The following CEP55 variants were observed in gnomAD, a reference collection of about 807,000 sequenced individuals.
The protein encoded by CEP55 is centrosomal protein 55, also known as centrosomal protein of 55 kDa.
In CEP55, 57 loss-of-function variants were observed where a neutral mutation model predicts 63.2. The observed-to-expected ratio is 0.90, with a 90% confidence interval of 0.73 to 1.13. The LOEUF is 1.13. Ranked by LOEUF, CEP55 falls within the 50% of genes most tolerant of loss-of-function variation. The pLI is 0.00. For synonymous variants in CEP55, 178 were observed against 191.6 expected (o/e 0.93, Z 0.59); for missense variants, 456 against 518.9 (o/e 0.88, Z 1.18).
rs4919224 is a variant in CEP55, at chr10:93,516,916, G to A, written c.680-19G>A. The A allele has an allele frequency of 0.75, 1,136,318 of 1,505,652 alleles. 430,968 individuals carry two copies. The highest frequency in any genetic ancestry group is 0.77 in the Non-Finnish European group (856,110 of 1,111,162). The allele number at this position is 1,505,652 out of a possible 1,614,324, so 93.3% of individuals were successfully genotyped here. A position where few individuals can be genotyped will look rare whatever the true frequency, so the allele number is the denominator to read the frequency against. On this transcript the variant is annotated intron_variant, in intron 5 of 8. Coordinates refer to ENST00000371485, the MANE Select transcript of CEP55 (RefSeq NM_018131.5). The stretch of plus-strand genomic sequence containing the variant: ...TTTATTTTATAAAGTGAGTTGTGCC[G>A]TAATGTTGTTTGTCATAGGTTATCT...
Position 93,529,048 on chromosome 10 carries a change from G to A in CEP55, c.*895G>A, listed in dbSNP as rs1226107083. 1.3e-5 allele frequency: 2 copies of A among 151,838 alleles called. No individual in the cohort carries two copies. Among genetic ancestry groups the A allele is most frequent in the Non-Finnish European group, 1.5e-5 (1 of 68,000 alleles). The allele number at this position is 151,838 out of a possible 1,614,324, so 9.4% of individuals were successfully genotyped here. On this transcript the variant is annotated 3_prime_UTR_variant, in exon 9 of 9. Transcript: ENST00000371485. ...CAGGTTTTCTAACATGCTTACCACT[G>A]GGCTACTGTAAATGAGAAAAGAATA... is the stretch of plus-strand genomic sequence containing the variant.
chr10:93,513,595 TAGA>T (rs2057772994), intron 4 of CEP55, among the ~76,000 whole-genome samples: 1 of 152,226 alleles, frequency 6.6e-6, no homozygotes, highest in Non-Finnish European at 1.5e-5. Context: ...TGAAATTAAA[TAGA>T]AGAATTTTAT....
chr10:93,514,797 C>T (rs530382430), intron 4 of CEP55, among the ~76,000 whole-genome samples: 27 of 152,230 alleles, frequency 1.8e-4, no homozygotes, highest in African/African-American at 6.5e-4. Context: ...TTGAGAGACG[C>T]AGTTTCACTG....
intron 6 of CEP55, among the ~76,000 whole-genome samples, 178 bp downstream of exon 6, chr10:93,517,426 A>G (rs117402997): frequency 1.2e-3 from 184 of 152,364 alleles, no homozygotes; most frequent in Non-Finnish European, 2.3e-3. Flanking sequence ...AGAAAATGCA[A>G]CAGGGTGACA....
At chr10:93,502,548 T>G (rs1262548381) in intron 2 of CEP55, among the ~76,000 whole-genome samples, 2 of 152,246 alleles carry the variant, frequency 1.3e-5, no homozygotes, top group East Asian at 3.8e-4. Context: ...TAAAAAACAT[T>G]ACTTATGTAT....
intron 5 of CEP55, 91 bp downstream of exon 5, chr10:93,515,646 G>T: frequency 7.7e-7 from 1 of 1,302,854 alleles, no homozygotes. Flanking sequence ...ATAGATATGT[G>T]TTAGAAAGTA....
chr10:93,514,192 C>G (rs900888356), intron 4 of CEP55, among the ~76,000 whole-genome samples: 1 of 152,124 alleles, frequency 6.6e-6, no homozygotes, highest in African/African-American at 2.4e-5. Context: ...CTCGGCCTCC[C>G]AAAGTGCTGG....
At chr10:93,521,355 A>C (rs2057860385) in intron 8 of CEP55, among the ~76,000 whole-genome samples, 1 of 152,136 alleles carries the variant, frequency 6.6e-6, no homozygotes, top group Non-Finnish European at 1.5e-5. Context: ...TTGCTACCAC[A>C]GCAGTCTGAG....
chr10:93,506,902 A>G, intron 3 of CEP55, 86 bp from the exon 4 acceptor site: 1 of 884,350 alleles, frequency 1.1e-6, no homozygotes, highest in Non-Finnish European at 1.9e-6. Flanking sequence ...TGCCCCCGTG[A>G]GTTATACTGT....
At chr10:93,499,902 C>T in intron 1 of CEP55, 138 bp from the exon 2 acceptor site, 1 of 556,964 alleles carries the variant, frequency 1.8e-6, no homozygotes, top group South Asian at 2.9e-5. Context: ...CCCCAGAAGC[C>T]TCCATCCATC....
chr10:93,513,363 C>T (rs1159460164), intron 4 of CEP55, among the ~76,000 whole-genome samples: 3 of 152,184 alleles, frequency 2.0e-5, no homozygotes, highest in Admixed American at 6.5e-5. Context: ...CCTAACAAAG[C>T]TTAGAGAAAC....
At chr10:93,517,972 A>T (rs79355998) in intron 6 of CEP55, among the ~76,000 whole-genome samples, 12,773 of 152,224 alleles carry the variant, frequency 0.084, 591 homozygotes, top group Non-Finnish European at 0.1. Context: ...TGCTTGCCAT[A>T]TAGGGCTTTG....
chr10:93,501,499 G>A (rs1040331105), intron 2 of CEP55, among the ~76,000 whole-genome samples: 1 of 152,004 alleles, frequency 6.6e-6, no homozygotes, highest in Non-Finnish European at 1.5e-5. Context: ...GACCAGCCTG[G>A]CCAATATGGC....
intron 8 of CEP55, among the ~76,000 whole-genome samples, chr10:93,521,408 G>A (rs538220460): frequency 7.3e-4 from 111 of 152,270 alleles, no homozygotes; most frequent in African/African-American, 2.0e-3. Flanking sequence ...AGGGGTGCCC[G>A]CCATTGCTGA....
Position 93,528,048 on chromosome 10 carries a change from T to G in CEP55, c.1290T>G (p.Thr430=). ...TTGCCGCCTCACCAAAAAGTCCCAC[T>G]GCTGCACTCAATGAAAGCCTGGTGG... ...EKVAASPKSP[T]AALNESLVEC... is the part of the protein sequence containing the mutation. The change falls in exon 9 of 9, where the codon ACT becomes ACG. Residue 430 remains threonine (T), a synonymous_variant. Transcript: ENST00000371485. 2 of 1,614,038 alleles carry G rather than the reference T, an allele frequency of 1.2e-6. No homozygotes were observed. Among genetic ancestry groups the G allele is most frequent in the Non-Finnish European group, 8.5e-7 (1 of 1,179,948 alleles).
chr10:93,515,792 GT>G (rs1665365166), intron 5 of CEP55, among the ~76,000 whole-genome samples: 2 of 152,182 alleles, frequency 1.3e-5, no homozygotes, highest in Admixed American at 6.5e-5. Flanking sequence ...ATCACATTCA[GT>G]TCTCTCTACC....
rs1051808941 is a variant in CEP55, at chr10:93,523,610, C to A, written c.1191+3803C>A. ...GGACCTAATAGACATCTACAGAACT[C>A]TCCACCTCAAATCAACAGAATATAC... On this transcript the variant is annotated intron_variant, in intron 8 of 8. Coordinates refer to ENST00000371485, the MANE Select transcript of CEP55 (RefSeq NM_018131.5). Among the ~76,000 whole-genome samples, 3 of 152,216 alleles carry A rather than the reference C, an allele frequency of 2.0e-5. No homozygotes were observed. In the South Asian group the frequency reaches 6.2e-4, roughly 32 times the overall value.
chr10:93,523,676 C>G (rs2057888159), intron 8 of CEP55, among the ~76,000 whole-genome samples: 1 of 152,134 alleles, frequency 6.6e-6, no homozygotes, highest in African/African-American at 2.4e-5. Flanking sequence ...CAAAATTGAC[C>G]ACATAGTTGG....
rs202234576 is a variant in CEP55, at chr10:93,528,028, G to A, written c.1270G>A (p.Ala424Thr). 58 of 1,613,820 alleles carry A rather than the reference G, an allele frequency of 3.6e-5. No homozygotes were observed. The Admixed American group carries it at 3.8e-4, about 11-fold the overall frequency. Residue 424 changes from alanine to threonine, a missense_variant, in exon 9 of 9, where the codon GCC becomes ACC. By Grantham distance (58) the Ala-to-Thr change is moderately conservative. Transcript: ENST00000371485. ...GETENREKVA[A>T]SPKSPTAALN... ...GACTGAAAACAGAGAAAAAGTTGCC[G>A]CCTCACCAAAAAGTCCCACTGCTGC...
Sources: gnomAD v4.1 joint callset for allele counts (sites outside exome capture counted in the v4.1 genomes callset) on GRCh38, gnomAD v4.1.1 for gene constraint, MANE v1.5 for transcripts, NCBI Gene and HGNC (gene_info 2026-07-23, HGNC 2026-07-21) for gene names.